The following GRIN2A variants were observed in gnomAD, a reference collection of about 807,000 sequenced individuals.
GRIN2A encodes the protein glutamate receptor ionotropic, NMDA 2A.
A neutral mutation model predicts 113.4 loss-of-function variants in GRIN2A; 22 were observed. That is an observed-to-expected ratio of 0.19 (90% CI 0.14 to 0.28). GRIN2A has a LOEUF of 0.28. Among genes scored for constraint, GRIN2A ranks in the 10% least tolerant of loss-of-function variants. GRIN2A has a pLI of 1.00. For missense variants in GRIN2A, 1,502 were observed against 1,887.0 expected, an observed-to-expected ratio of 0.80 and a Z score of 3.78; for synonymous variants, 827 against 738.4, an observed-to-expected ratio of 1.12 and a Z score of -1.94.
chr16:10,058,568 T>G (rs146684384), intron 2 of GRIN2A, among the ~76,000 whole-genome samples: 1 of 152,372 alleles, frequency 6.6e-6, no homozygotes, highest in East Asian at 1.9e-4. Flanking sequence ...CAGCTGCTAT[T>G]ACTGTGATTT....
rs1446682195 is a variant in GRIN2A, at chr16:9,754,848, CTT to C, written c.*8299_*8300del. 8.9e-6 allele frequency: 2 copies of C among 223,620 alleles called. No individual in the cohort carries two copies. The highest frequency in any genetic ancestry group is 1.8e-5 in the Non-Finnish European group (2 of 112,108). 13.9% of individuals were successfully genotyped at this position (223,620 alleles called of 1,614,324 possible). A position where few individuals can be genotyped will look rare whatever the true frequency, so the allele number is the denominator to read the frequency against. ...CGCTCTTTGCTCAGTTATCAATAGTCTTTGATTTGAGCCCTTTAAAACTTGAA... is the reference window on the plus strand; with the variant it reads ...CGCTCTTTGCTCAGTTATCAATAGTCTGATTTGAGCCCTTTAAAACTTGAA... On this transcript the variant is annotated 3_prime_UTR_variant, in exon 13 of 13. Coordinates refer to ENST00000330684, the MANE Select transcript of GRIN2A (RefSeq NM_001134407.3).
chr16:10,097,336 T>C (rs1567296232), intron 2 of GRIN2A, among the ~76,000 whole-genome samples: 1 of 152,148 alleles, frequency 6.6e-6, no homozygotes, highest in Non-Finnish European at 1.5e-5. Flanking sequence ...CAAATAATCG[T>C]AGAGATGTTT....
chr16:10,133,187 G>A lies in GRIN2A; in HGVS notation c.414+46811C>T, dbSNP rs553919888. 2.0e-5 allele frequency among the ~76,000 whole-genome samples: 3 copies of A among 152,336 alleles called. No homozygotes were observed. The South Asian group carries it at 6.2e-4, about 32-fold the overall frequency. On this transcript the variant is annotated intron_variant, in intron 2 of 12. Coordinates refer to ENST00000330684, the MANE Select transcript of GRIN2A (RefSeq NM_001134407.3). The stretch of plus-strand genomic sequence containing the variant: ...AATCATAACATTTATACAGGAGTCA[G>A]AGTTTAGAAGGTGAACATCTTTGAG...
At position 9,949,391 on chromosome 16, in the gene GRIN2A, T is replaced by C. The variant is rs568037620; in HGVS notation, c.415-10840A>G. 2.5e-4 allele frequency among the ~76,000 whole-genome samples: 38 copies of C among 151,492 alleles called. 1 individual carries two copies. The South Asian group carries it at 6.1e-3, about 24-fold the overall frequency. ...ATGAATGGATGGACAGATGGATGGA[T>C]GGATGGTCAAATAGGACAAATGGAT... On this transcript the variant is annotated intron_variant, in intron 2 of 12. Transcript: ENST00000330684.
At chr16:10,121,598 GA>G (rs1413495223) in intron 2 of GRIN2A, 1 of 152,038 alleles carries the variant, frequency 6.6e-6, no homozygotes, top group Non-Finnish European at 1.5e-5. Context: ...ACTAATGCAA[GA>G]GACCTCCAAC....
chr16:9,955,543 C>CT (rs1178164073), intron 2 of GRIN2A, among the ~76,000 whole-genome samples: 10 of 152,156 alleles, frequency 6.6e-5, no homozygotes, highest in Non-Finnish European at 1.0e-4. Flanking sequence ...ACTTTTGCAC[C>CT]AACCTAATAT....
intron 10 of GRIN2A, among the ~76,000 whole-genome samples, chr16:9,815,427 A>G (rs958751954): frequency 1.3e-5 from 2 of 151,750 alleles, no homozygotes; most frequent in Admixed American, 6.6e-5. Context: ...AAAAAAAAAA[A>G]AAAGAAAACC....
intron 4 of GRIN2A, among the ~76,000 whole-genome samples, chr16:9,869,882 T>C (rs1158105955): frequency 6.6e-6 from 1 of 152,180 alleles, no homozygotes; most frequent in African/African-American, 2.4e-5. Flanking sequence ...TCAAGGTTCC[T>C]TCCCACCTGC....
chr16:9,814,405 C>G (rs185307077), intron 10 of GRIN2A, among the ~76,000 whole-genome samples: 1 of 152,114 alleles, frequency 6.6e-6, no homozygotes, highest in Non-Finnish European at 1.5e-5. Flanking sequence ...GTACCCAGAT[C>G]GTAGGGGTGT....
intron 9 of GRIN2A, among the ~76,000 whole-genome samples, chr16:9,826,436 G>A (rs1232098447): frequency 6.6e-6 from 1 of 151,964 alleles, no homozygotes; most frequent in East Asian, 1.9e-4. Context: ...AGCACACCAT[G>A]GGCTCCAATA....
intron 4 of GRIN2A, among the ~76,000 whole-genome samples, chr16:9,876,370 G>A (rs7191799): frequency 0.25 from 37,851 of 151,902 alleles, 4,843 homozygotes; most frequent in Non-Finnish European, 0.26. Flanking sequence ...CTACCCCTAC[G>A]TCCTCATGTC....
chr16:10,029,123 T>C (rs1692045900), intron 2 of GRIN2A, among the ~76,000 whole-genome samples: 1 of 152,108 alleles, frequency 6.6e-6, no homozygotes, highest in Non-Finnish European at 1.5e-5. Context: ...ACTGAATCCA[T>C]TTATCTATGG....
At chr16:10,033,038 T>A (rs575565600) in intron 2 of GRIN2A, among the ~76,000 whole-genome samples, 1 of 152,302 alleles carries the variant, frequency 6.6e-6, no homozygotes, top group South Asian at 2.1e-4. Context: ...GGTTTGCACC[T>A]GTGGGCAAAG....
rs756552775 is a variant in GRIN2A at position 10,180,451 on chromosome 16, G to A, written c.-18-22C>T. 6.3e-7 allele frequency: 1 copy of A among 1,590,340 alleles called. No homozygotes were observed. The highest frequency in any genetic ancestry group is 1.1e-5 in the South Asian group (1 of 89,840). Reference sequence around the variant, plus strand: ...GTCCCTGCAAGGTGAAGAGTGAGAGGCAGGGCCGCGGTGAGCAAGGCGACC... The same window carrying A: ...GTCCCTGCAAGGTGAAGAGTGAGAGACAGGGCCGCGGTGAGCAAGGCGACC... On this transcript the variant is annotated intron_variant, in intron 1 of 12. Transcript: ENST00000330684. This position sits in a 1 kb window ranked among gnomAD's most constrained non-coding sequence, Gnocchi z 7.0.
At chr16:9,940,174 T>C (rs75274547) in intron 2 of GRIN2A, among the ~76,000 whole-genome samples, 28 of 152,132 alleles carry the variant, frequency 1.8e-4, no homozygotes, top group Admixed American at 1.5e-3. Context: ...TCACTTTCCC[T>C]GTGGGTGCTC....
chr16:10,030,559 AAGGATC>A (rs1415164443), intron 2 of GRIN2A, among the ~76,000 whole-genome samples: 1 of 152,214 alleles, frequency 6.6e-6, no homozygotes, highest in East Asian at 1.9e-4. Context: ...GGTCTCACAC[AAGGATC>A]AGGCGTTTTC....
intron 2 of GRIN2A, among the ~76,000 whole-genome samples, chr16:10,162,501 C>G (rs2049825611): frequency 6.6e-6 from 1 of 152,260 alleles, no homozygotes; most frequent in South Asian, 2.1e-4. Context: ...GACAAGGGAG[C>G]TGCAGGATTG....
chr16:9,982,081 C>T (rs2141779267), intron 2 of GRIN2A, among the ~76,000 whole-genome samples: 1 of 152,214 alleles, frequency 6.6e-6, no homozygotes, highest in Non-Finnish European at 1.5e-5. Flanking sequence ...AGCCCCGCAG[C>T]CAGTGTAATT....
intron 2 of GRIN2A, among the ~76,000 whole-genome samples, chr16:10,125,517 T>C (rs2048914770): frequency 6.6e-6 from 1 of 151,378 alleles, no homozygotes. Context: ...CTCCCTCAAT[T>C]ACACAAATCT....
Sources: allele counts gnomAD v4.1 joint callset (sites outside exome capture counted in the v4.1 genomes callset), GRCh38; gene constraint gnomAD v4.1.1; non-coding constraint Gnocchi (gnomAD v3.1); transcripts MANE v1.5; gene names NCBI Gene and HGNC (gene_info 2026-07-23, HGNC 2026-07-21).